The following SIRT3 variants were observed in gnomAD, a reference collection of about 807,000 sequenced individuals.
SIRT3 encodes the protein sirtuin 3.
A neutral mutation model predicts 33.5 loss-of-function variants in SIRT3; 26 were observed. That is an observed-to-expected ratio of 0.78 (90% CI 0.57 to 1.08). The LOEUF (loss-of-function observed/expected upper bound fraction) is 1.08, where lower values mean the gene tolerates loss of function less well. Among genes scored for constraint, SIRT3 ranks in the 50% least tolerant of loss-of-function variants. SIRT3 has a pLI of 0.00. For synonymous variants in SIRT3, 237 were observed against 222.1 expected (o/e 1.07, Z -0.60); for missense variants, 585 against 530.1 (o/e 1.10, Z -1.02).
At chr11:236,874 G>A (rs867373874), upstream of SIRT3, 3 of 621,860 alleles carry the variant, frequency 4.8e-6, no homozygotes, top group Admixed American at 2.9e-5. Flanking sequence ...AGTTTTGTCC[G>A]GAGCGCAGAG....
chr11:233,037 C>CA lies in SIRT3; in HGVS notation c.651dup (p.Asp218Ter), dbSNP rs772343867. 18 of 1,613,880 alleles carry CA rather than the reference C, an allele frequency of 1.1e-5. 2 individuals carry two copies. In the South Asian group the frequency reaches 2.0e-4, roughly 18 times the overall value. ...TAGAGCCGCAGAAGCAGCCCCTTGT[C>CA]ATGAAGCAGCCGGAGAAAGTAGTGA... On this transcript the variant is annotated frameshift_variant, in exon 3 of 7. Coordinates refer to ENST00000382743, the MANE Select transcript of SIRT3 (RefSeq NM_012239.6). LOFTEE classifies it high-confidence loss of function.
intron 4 of SIRT3, among the ~76,000 whole-genome samples, chr11:230,218 A>AG (rs1410699542): frequency 6.6e-6 from 1 of 151,944 alleles, no homozygotes; most frequent in African/African-American, 2.4e-5. Context: ...TCTCAAAAAA[A>AG]AAAAAAAAAA....
rs763739958 is a variant in SIRT3, at chr11:236,063, C to G, written c.266G>C (p.Ser89Thr). Reference sequence around the variant, plus strand: ...CCCAAAATACCTCGAAAAGAAGAAACTGGGAGCTGCTGCCCTCGGCTGCCT... The same window carrying G: ...CCCAAAATACCTCGAAAAGAAGAAAGTGGGAGCTGCTGCCCTCGGCTGCCT... ...FRRQPRAAAPSFFFSSIKGGR... is the reference protein window; with the variant it reads ...FRRQPRAAAPTFFFSSIKGGR... The change falls in exon 1 of 7, where the codon AGT (serine) becomes ACT (threonine). Residue 89 changes from serine to threonine, a missense_variant. Physicochemically the swap from Ser to Thr is moderately conservative, Grantham distance 58. Coordinates refer to ENST00000382743, the MANE Select transcript of SIRT3 (RefSeq NM_012239.6). The G allele has an allele frequency of 6.5e-7, 1 of 1,527,720 alleles. No homozygotes were observed. Among genetic ancestry groups the G allele is most frequent in the South Asian group, 1.2e-5 (1 of 80,828 alleles). The allele number at this position is 1,527,720 out of a possible 1,614,324, so 94.6% of individuals were successfully genotyped here. A position where few individuals can be genotyped will look rare whatever the true frequency, so the allele number is the denominator to read the frequency against.
In SIRT3 at chr11:219,036, C is replaced by T. The variant is rs1384520200; in HGVS notation, c.975G>A (p.Glu325=). 3 of 1,611,380 alleles carry T rather than the reference C, an allele frequency of 1.9e-6. No homozygotes were observed. The highest frequency in any genetic ancestry group is 1.7e-6 in the Non-Finnish European group (2 of 1,178,706). Residue 325 remains glutamate (E), a synonymous_variant, in exon 6 of 7, where the codon GAG becomes GAA. Coordinates refer to ENST00000382743, the MANE Select transcript of SIRT3 (RefSeq NM_012239.6). Reference sequence around the variant, plus strand: ...CGGCCTCGGTCAAGCTGGCAAAAGGCTCCACCTGAAAAATGGGCCAAACGT... The same window carrying T: ...CGGCCTCGGTCAAGCTGGCAAAAGGTTCCACCTGAAAAATGGGCCAAACGT... ...LLILGTSLEV[E]PFASLTEAVR...
In SIRT3 at chr11:216,702, TTGTC is replaced by T. The variant is rs769058001; in HGVS notation, c.1192_1195del (p.Asp398AsnfsTer10). 3.7e-6 allele frequency: 6 copies of T among 1,614,072 alleles called. No homozygotes were observed. In the Admixed American group the frequency reaches 8.3e-5, roughly 22 times the overall value. ...TGTGTGGGGGCAGCCATCATCCTAT[TTGTC>T]TGGTCCATCAAGCTGGAATACAGAA... On this transcript the variant is annotated frameshift_variant, in exon 7 of 7. Transcript: ENST00000382743. LOFTEE classifies it high-confidence loss of function.
Position 236,265 on chromosome 11 carries a change from C to T in SIRT3, c.64G>A (p.Val22Ile). Residue 22 changes from valine to isoleucine, a missense_variant, in exon 1 of 7, where the codon GTC becomes ATC. Physicochemically the swap from Val to Ile is conservative, Grantham distance 29. Coordinates refer to ENST00000382743, the MANE Select transcript of SIRT3 (RefSeq NM_012239.6). ...LRLWGRVVER[V>I]EAGGGVGPFQ... ...GGCCCCACGCCTCCCCCGGCCTCGA[C>T]CCGTTCAACTACCCGGCCCCACAGC... The T allele has an allele frequency of 6.5e-7, 1 of 1,543,798 alleles. No homozygotes were observed. The highest frequency in any genetic ancestry group is 8.7e-7 in the Non-Finnish European group (1 of 1,149,892).
chr11:232,879 C>G, intron 3 of SIRT3, 104 bp downstream of exon 3: 1 of 1,105,164 alleles, frequency 9.0e-7, no homozygotes, highest in South Asian at 1.4e-5. Flanking sequence ...AACAGGCACC[C>G]GAGCATCCCC....
chr11:231,462 C>A (rs1170794165), intron 3 of SIRT3, among the ~76,000 whole-genome samples: 1 of 152,194 alleles, frequency 6.6e-6, no homozygotes, highest in East Asian at 1.9e-4. Context: ...TATCCAGGAA[C>A]ATATCTTCTA....
intron 4 of SIRT3, among the ~76,000 whole-genome samples, chr11:228,327 G>A (rs1475981434): frequency 1.3e-5 from 2 of 152,156 alleles, no homozygotes; most frequent in Admixed American, 6.6e-5. Flanking sequence ...ACAATAATAC[G>A]TATATATCAA....
At position 236,079 on chromosome 11, in the gene SIRT3, T is replaced by C; in HGVS notation, c.250A>G (p.Arg84Gly). The change falls in exon 1 of 7, where the codon AGG becomes GGG. Residue 84 changes from arginine (R) to glycine (G), a missense_variant. Transcript: ENST00000382743. ...AAGAAGAAACTGGGAGCTGCTGCCC[T>C]CGGCTGCCTCCGGAATGCCCTGGGC... ...EVPRAFRRQP[R>G]AAAPSFFFSS... The C allele has an allele frequency of 3.2e-6, 5 of 1,552,238 alleles. No homozygotes were observed. The highest frequency in any genetic ancestry group is 4.3e-6 in the Non-Finnish European group (5 of 1,149,436).
At chr11:219,527 T>C (rs1004503145) in intron 5 of SIRT3, among the ~76,000 whole-genome samples, 4 of 152,162 alleles carry the variant, frequency 2.6e-5, no homozygotes, top group East Asian at 1.9e-4. Flanking sequence ...CGTCTCTCCA[T>C]GGTCTTCCCC....
intron 5 of SIRT3, among the ~76,000 whole-genome samples, chr11:221,623 A>C (rs1856456150): frequency 1.3e-5 from 2 of 152,226 alleles, no homozygotes; most frequent in Admixed American, 1.3e-4. Flanking sequence ...GTGGTACTCC[A>C]CAGTCAAACA....
intron 4 of SIRT3, among the ~76,000 whole-genome samples, chr11:225,162 CCAGGA>C: frequency 6.6e-6 from 1 of 151,994 alleles, no homozygotes; most frequent in Non-Finnish European, 1.5e-5. Context: ...CTCTGTAATC[CCAGGA>C]CTTCGGGAGG....
intron 4 of SIRT3, among the ~76,000 whole-genome samples, chr11:224,464 C>T (rs973480646): frequency 6.6e-6 from 1 of 152,234 alleles, no homozygotes; most frequent in Non-Finnish European, 1.5e-5. Context: ...AAAAGCAAAT[C>T]TTGGACATCA....
At chr11:228,007 C>T in intron 4 of SIRT3, among the ~76,000 whole-genome samples, 1 of 152,202 alleles carries the variant, frequency 6.6e-6, no homozygotes, top group East Asian at 1.9e-4. Flanking sequence ...CGTCAGGATA[C>T]AGTTCAAACC....
chr11:224,828 T>C (rs1856941390), intron 4 of SIRT3, among the ~76,000 whole-genome samples: 3 of 149,640 alleles, frequency 2.0e-5, no homozygotes, highest in East Asian at 1.9e-4. Flanking sequence ...AAGATTAATA[T>C]AAATAAATGC....
rs369069267 is a variant in SIRT3, at chr11:233,445, G to T, written c.371C>A (p.Ser124Tyr). 1 of 1,613,838 alleles carries T rather than the reference G, an allele frequency of 6.2e-7. No homozygotes were observed. Among genetic ancestry groups the T allele is most frequent in the African/African-American group, 1.3e-5 (1 of 74,846 alleles). The part of the protein sequence containing the change: ...SGGSSDKGKL[S>Y]LQDVAELIRA... ...AATCAGCTCAGCTACATCCTGCAGG[G>T]AAAGCTTCCCCTTGTCACTGCTGCC... The change falls in exon 2 of 7, where the codon TCC becomes TAC. Residue 124 changes from serine (S) to tyrosine (Y), a missense_variant. Ser to Tyr is a moderately radical substitution (Grantham distance 144). Transcript: ENST00000382743.
intron 5 of SIRT3, among the ~76,000 whole-genome samples, chr11:222,073 T>C (rs1163980010): frequency 6.6e-6 from 1 of 152,198 alleles, no homozygotes; most frequent in African/African-American, 2.4e-5. Flanking sequence ...AGATGGCTGG[T>C]GGCCCAAGTG....
intron 1 of SIRT3, among the ~76,000 whole-genome samples, chr11:235,489 G>C (rs923396922): frequency 6.6e-6 from 1 of 152,210 alleles, no homozygotes; most frequent in Non-Finnish European, 1.5e-5. Context: ...ACAAGTGTGA[G>C]CTACCACTTC....
Sources: gnomAD v4.1 joint callset for allele counts (sites outside exome capture counted in the v4.1 genomes callset) on GRCh38, gnomAD v4.1.1 for gene constraint, MANE v1.5 for transcripts, NCBI Gene and HGNC (gene_info 2026-07-23, HGNC 2026-07-21) for gene names.